Variants in OR2M3 observed in about 807,000 individuals in gnomAD.
OR2M3 encodes the protein olfactory receptor 2M3.
Under a neutral mutation model 4.3 loss-of-function variants are expected in OR2M3, and 1 was observed. That is an observed-to-expected ratio of 0.23 (90% CI 0.08 to 1.11). The LOEUF is 1.11. Among genes scored for constraint, OR2M3 ranks in the 50% most tolerant of loss-of-function variants. The pLI is 0.54. For synonymous variants in OR2M3, 151 were observed against 139.4 expected (o/e 1.08, Z -0.59); for missense variants, 410 against 390.4 (o/e 1.05, Z -0.42).
At chr1:248,201,879 T>C (rs1053853170) in intron 1 of OR2M3, among the ~76,000 whole-genome samples, 1 of 152,164 alleles carries the variant, frequency 6.6e-6, no homozygotes. Flanking sequence ...GTGACCTGTA[T>C]GCACAGGGAC....
At chr1:248,199,709 G>A (rs1395416032) in intron 1 of OR2M3, among the ~76,000 whole-genome samples, 1 of 151,734 alleles carries the variant, frequency 6.6e-6, no homozygotes, top group Non-Finnish European at 1.5e-5. Context: ...AAAGGTACAG[G>A]GCAATGTAAT....
At chr1:248,202,947 A>T in intron 1 of OR2M3, 103 bp from the exon 2 acceptor site, 1 of 982,066 alleles carries the variant, frequency 1.0e-6, no homozygotes, top group Non-Finnish European at 1.5e-6. Flanking sequence ...ACTTCTATTC[A>T]TGCTGTATTG....
At chr1:248,200,211 A>G (rs1457234291) in intron 1 of OR2M3, among the ~76,000 whole-genome samples, 1 of 152,106 alleles carries the variant, frequency 6.6e-6, no homozygotes, top group Admixed American at 6.6e-5. Flanking sequence ...TGTTTGCATA[A>G]ATTAGTGTAT....
chr1:248,204,088 G>T lies in OR2M3; in HGVS notation c.*82G>T. On this transcript the variant is annotated 3_prime_UTR_variant, in exon 2 of 2. Transcript: ENST00000641626. ...TATTTTTCCATTAAGCCTTGAAAAT[G>T]GGATTCATTGTGTACATAAATCTGC... The T allele has an allele frequency of 2.3e-6, 3 of 1,329,130 alleles. No individual in the cohort carries two copies. Among genetic ancestry groups the T allele is most frequent in the Non-Finnish European group, 2.1e-6 (2 of 935,584 alleles). 82.3% of individuals were successfully genotyped at this position (1,329,130 alleles called of 1,614,324 possible). A position where few individuals can be genotyped will look rare whatever the true frequency, so the allele number is the denominator to read the frequency against.
chr1:248,197,389 A>G (rs1666108751), intron 1 of OR2M3, 88 bp downstream of exon 1: 1 of 152,156 alleles, frequency 6.6e-6, no homozygotes, highest in Non-Finnish European at 1.5e-5. Flanking sequence ...GTGATGATTG[A>G]TCTCATTTCT....
rs766086322 is a variant in OR2M3, at chr1:248,211,520, T to G, written c.*7514T>G. 7 of 151,652 alleles carry G rather than the reference T, an allele frequency of 4.6e-5. No homozygotes were observed. Among genetic ancestry groups the G allele is most frequent in the Non-Finnish European group, 1.0e-4 (7 of 67,984 alleles). 9.4% of individuals were successfully genotyped at this position (151,652 alleles called of 1,614,324 possible). On this transcript the variant is annotated 3_prime_UTR_variant, in exon 2 of 2. Transcript: ENST00000641626. ...CAAATGTAAGTATATTTTTACATAA[T>G]AGTAATTTTTTTTTTTTTTTAATTA...
chr1:248,209,632 T>A lies in OR2M3; in HGVS notation c.*5626T>A, dbSNP rs572786612. 6.6e-6 allele frequency: 1 copy of A among 152,274 alleles called. No homozygotes were observed. The highest frequency in any genetic ancestry group is 2.1e-4 in the South Asian group (1 of 4,822). 9.4% of individuals were successfully genotyped at this position (152,274 alleles called of 1,614,324 possible). ...TGGTACTTGGGAGTGTCTGCAAAGA[T>A]CCTGTAATATGATCTGTCTTCAGGT... On this transcript the variant is annotated 3_prime_UTR_variant, in exon 2 of 2. Transcript: ENST00000641626.
chr1:248,199,931 C>T (rs1434425979), intron 1 of OR2M3, among the ~76,000 whole-genome samples: 1 of 152,076 alleles, frequency 6.6e-6, no homozygotes, highest in African/African-American at 2.4e-5. Flanking sequence ...TAGATTTACA[C>T]TTGTTATTCA....
At position 248,203,591 on chromosome 1, in the gene OR2M3, C is replaced by T; in HGVS notation, c.524C>T (p.Ala175Val). The change falls in exon 2 of 2, where the codon GCC becomes GTC. Residue 175 changes from alanine (A) to valine (V), a missense_variant. Transcript: ENST00000641626. ...SFSYCGSREI[A>V]HFFCDFPSLL... Reference sequence around the variant, plus strand: ...TCCTACTGTGGGTCTCGGGAAATAGCCCACTTCTTCTGTGACTTCCCCTCC... The same window carrying T: ...TCCTACTGTGGGTCTCGGGAAATAGTCCACTTCTTCTGTGACTTCCCCTCC... The T allele has an allele frequency of 6.2e-7, 1 of 1,613,742 alleles. No individual in the cohort carries two copies. Among genetic ancestry groups the T allele is most frequent in the Non-Finnish European group, 8.5e-7 (1 of 1,179,808 alleles).
rs994091614 is a variant in OR2M3 at position 248,212,418 on chromosome 1, C to A, written c.*8412C>A. The stretch of plus-strand genomic sequence containing the variant: ...AATAAGGAAAATAAATTTTGTAAAA[C>A]CTGCTTCTAAATATAATGTACTTTT... On this transcript the variant is annotated 3_prime_UTR_variant, in exon 2 of 2. Coordinates refer to ENST00000641626, the MANE Select transcript of OR2M3 (RefSeq NM_001004689.2). The A allele has an allele frequency of 6.6e-6, 1 of 151,852 alleles. No individual in the cohort carries two copies. The highest frequency in any genetic ancestry group is 1.5e-5 in the Non-Finnish European group (1 of 67,902). The allele number at this position is 151,852 out of a possible 1,614,324, so 9.4% of individuals were successfully genotyped here.
rs1248603393 is a variant in OR2M3, at chr1:248,206,731, G to T, written c.*2725G>T. The stretch of plus-strand genomic sequence containing the variant: ...CTCTAGTATTATGTTGAGGATTTTT[G>T]CATCTATGTTCATCAGGGATATTGG... On this transcript the variant is annotated 3_prime_UTR_variant, in exon 2 of 2. Coordinates refer to ENST00000641626, the MANE Select transcript of OR2M3 (RefSeq NM_001004689.2). 6.6e-6 allele frequency: 1 copy of T among 151,944 alleles called. No homozygotes were observed. Among genetic ancestry groups the T allele is most frequent in the Non-Finnish European group, 1.5e-5 (1 of 67,928 alleles). The allele number at this position is 151,944 out of a possible 1,614,324, so 9.4% of individuals were successfully genotyped here.
chr1:248,205,123 C>T lies in OR2M3; in HGVS notation c.*1117C>T, dbSNP rs1477432097. The T allele has an allele frequency of 6.6e-6, 1 of 151,948 alleles. No individual in the cohort carries two copies. The highest frequency in any genetic ancestry group is 1.5e-5 in the Non-Finnish European group (1 of 67,956). 9.4% of individuals were successfully genotyped at this position (151,948 alleles called of 1,614,324 possible). On this transcript the variant is annotated 3_prime_UTR_variant, in exon 2 of 2. Transcript: ENST00000641626. The stretch of plus-strand genomic sequence containing the variant: ...ATTGTCTATTCATGTCCTAGGCCCA[C>T]TTTTTGATGGGATCATTTGTTTTCT...
In OR2M3 at chr1:248,208,714, T is replaced by C. The variant is rs558162970; in HGVS notation, c.*4708T>C. 7.2e-4 allele frequency: 110 copies of C among 152,310 alleles called. 2 individuals are homozygous for C. The highest frequency in any genetic ancestry group is 2.5e-3 in the African/African-American group (103 of 41,568). 9.4% of individuals were successfully genotyped at this position (152,310 alleles called of 1,614,324 possible). A position where few individuals can be genotyped will look rare whatever the true frequency, so the allele number is the denominator to read the frequency against. On this transcript the variant is annotated 3_prime_UTR_variant, in exon 2 of 2. Transcript: ENST00000641626. ...GCTAATAAATCTGCTATCAATGTGA[T>C]AGGTTTTTCTTTACAGGTTACCTGA...
At chr1:248,200,022 C>T (rs11204610) in intron 1 of OR2M3, among the ~76,000 whole-genome samples, 115,839 of 151,984 alleles carry the variant, frequency 0.76, 44,291 homozygotes, top group South Asian at 0.91. Flanking sequence ...TAGAATTATT[C>T]AACATTTTAT....
chr1:248,205,786 C>G lies in OR2M3; in HGVS notation c.*1780C>G, dbSNP rs1243871565. On this transcript the variant is annotated 3_prime_UTR_variant, in exon 2 of 2. Coordinates refer to ENST00000641626, the MANE Select transcript of OR2M3 (RefSeq NM_001004689.2). The stretch of plus-strand genomic sequence containing the variant: ...TATGGCTATGCAGGACTTTTTTATT[C>G]CATATGAATTTTAGGATTGTTCTTT... 1 of 151,740 alleles carries G rather than the reference C, an allele frequency of 6.6e-6. No individual in the cohort carries two copies. The highest frequency in any genetic ancestry group is 1.5e-5 in the Non-Finnish European group (1 of 67,882). The allele number at this position is 151,740 out of a possible 1,614,324, so 9.4% of individuals were successfully genotyped here.
In OR2M3 at chr1:248,209,085, T is replaced by G. The variant is rs965286373; in HGVS notation, c.*5079T>G. The G allele has an allele frequency of 1.3e-5, 2 of 152,180 alleles. No individual in the cohort carries two copies. The highest frequency in any genetic ancestry group is 2.9e-5 in the Non-Finnish European group (2 of 68,026). The allele number at this position is 152,180 out of a possible 1,614,324, so 9.4% of individuals were successfully genotyped here. ...GCCTTGTCTTCAAGCTCCGAGGTTC[T>G]TTCTTCTGCTCGTTGGATTTTATTG... On this transcript the variant is annotated 3_prime_UTR_variant, in exon 2 of 2. Transcript: ENST00000641626.
Position 248,203,280 on chromosome 1 carries a change from C to T in OR2M3, c.213C>T (p.Leu71=). The part of the protein sequence containing the change: ...LLLSQLSLMD[L]MLICTTVPKM... Reference sequence around the variant, plus strand: ...TCAGCCAACTGTCCCTCATGGACCTCATGCTCATCTGCACCACCGTACCCA... The same window carrying T: ...TCAGCCAACTGTCCCTCATGGACCTTATGCTCATCTGCACCACCGTACCCA... Residue 71 remains leucine, a synonymous_variant, in exon 2 of 2, where the codon CTC becomes CTT. Transcript: ENST00000641626. The T allele has an allele frequency of 6.2e-7, 1 of 1,614,074 alleles. No individual in the cohort carries two copies. The highest frequency in any genetic ancestry group is 8.5e-7 in the Non-Finnish European group (1 of 1,180,000).
rs1307885573 is a variant in OR2M3, at chr1:248,208,763, T to G, written c.*4757T>G. 1.3e-5 allele frequency: 2 copies of G among 152,194 alleles called. No homozygotes were observed. Among genetic ancestry groups the G allele is most frequent in the Non-Finnish European group, 2.9e-5 (2 of 68,034 alleles). The allele number at this position is 152,194 out of a possible 1,614,324, so 9.4% of individuals were successfully genotyped here. ...GATGCTTTTCTCTCACGGCTGACAT[T>G]TTTTCCTTTGCCTTGACTTTAGATA... On this transcript the variant is annotated 3_prime_UTR_variant, in exon 2 of 2. Coordinates refer to ENST00000641626, the MANE Select transcript of OR2M3 (RefSeq NM_001004689.2).
rs1189602974 is a variant in OR2M3, at chr1:248,203,142, C to G, written c.75C>G (p.Thr25=). Residue 25 remains threonine, a synonymous_variant, in exon 2 of 2, where the codon ACC becomes ACG. Transcript: ENST00000641626. ...LGIFNHSPTH[T]FLFFLVLAIF... Reference sequence around the variant, plus strand: ...TCTTCAATCACAGCCCCACCCACACCTTCCTCTTCTTTCTGGTCCTGGCCA... The same window carrying G: ...TCTTCAATCACAGCCCCACCCACACGTTCCTCTTCTTTCTGGTCCTGGCCA... 4 of 1,613,846 alleles carry G rather than the reference C, an allele frequency of 2.5e-6. No homozygotes were observed. In the South Asian group the frequency reaches 3.3e-5, roughly 13 times the overall value.
Sources: gnomAD v4.1 joint callset for allele counts (sites outside exome capture counted in the v4.1 genomes callset) on GRCh38, gnomAD v4.1.1 for gene constraint, MANE v1.5 for transcripts, NCBI Gene and HGNC (gene_info 2026-07-23, HGNC 2026-07-21) for gene names.